The following ZNF644 variants were observed in gnomAD, a reference collection of about 807,000 sequenced individuals.
ZNF644 encodes the protein zinc finger protein 644.
A neutral mutation model predicts 108.0 loss-of-function variants in ZNF644; 20 were observed. The ratio of observed to expected loss-of-function variants is 0.19; its 90% CI spans 0.13 to 0.27. The LOEUF (loss-of-function observed/expected upper bound fraction) is 0.27. ZNF644 is among the 10% of genes least tolerant of loss of function. The pLI, the probability that ZNF644 is intolerant of heterozygous loss-of-function variation, is 1.00. For missense variants in ZNF644, 1,338 were observed against 1,548.9 expected, an observed-to-expected ratio of 0.86 and a Z score of 2.29; for synonymous variants, 542 against 539.1, an observed-to-expected ratio of 1.01 and a Z score of -0.08.
At position 90,940,050 on chromosome 1, in the gene ZNF644, C is replaced by T; in HGVS notation, c.1304G>A (p.Gly435Glu). The change falls in exon 3 of 6, where the codon GGG (glycine) becomes GAG (glutamate). Residue 435 changes from glycine (G) to glutamate (E), a missense_variant. Physicochemically the swap from Gly to Glu is moderately conservative, Grantham distance 98 (BLOSUM62 -2). This residue lies in a region of ZNF644 where 80 missense variants were observed against 183.0 expected (regional missense o/e 0.44). Coordinates refer to ENST00000337393, the MANE Select transcript of ZNF644 (RefSeq NM_201269.3). ...LHRHMMYHLD[G>E]NSHFRHLNVP... ...ATTAAGATGGCGAAAGTGACTATTC[C>T]CATCTAAATGATACATCATATGCCT... 6.2e-7 allele frequency: 1 copy of T among 1,614,004 alleles called. No individual in the cohort carries two copies. The highest frequency in any genetic ancestry group is 8.5e-7 in the Non-Finnish European group (1 of 1,179,952).
At chr1:91,016,956 C>T (rs944123223) in intron 1 of ZNF644, among the ~76,000 whole-genome samples, 1 of 152,156 alleles carries the variant, frequency 6.6e-6, no homozygotes, top group Non-Finnish European at 1.5e-5. Context: ...CCTCGGCCTC[C>T]CAAGTAGCTG....
intron 1 of ZNF644, among the ~76,000 whole-genome samples, chr1:90,995,981 T>A (rs187250083): frequency 6.6e-6 from 1 of 152,182 alleles, no homozygotes; most frequent in Non-Finnish European, 1.5e-5. Flanking sequence ...AGCCACCCAG[T>A]CTATAGTACT....
chr1:90,963,514 A>C (rs934436581), intron 2 of ZNF644, among the ~76,000 whole-genome samples: 3 of 152,160 alleles, frequency 2.0e-5, no homozygotes, highest in Non-Finnish European at 4.4e-5. Context: ...GCACATATGC[A>C]CCAAGAAACA....
intron 2 of ZNF644, among the ~76,000 whole-genome samples, chr1:90,962,626 T>C (rs1317796837): frequency 6.6e-6 from 1 of 152,116 alleles, no homozygotes; most frequent in Non-Finnish European, 1.5e-5. Context: ...CACCCACTAG[T>C]GACACCCTGG....
Position 90,937,936 on chromosome 1 carries a change from C to G in ZNF644, c.3237G>C (p.Leu1079=). 1 of 1,613,494 alleles carries G rather than the reference C, an allele frequency of 6.2e-7. No individual in the cohort carries two copies. The highest frequency in any genetic ancestry group is 1.1e-5 in the South Asian group (1 of 91,064). The change falls in exon 4 of 6, where the codon CTG becomes CTC. Residue 1079 remains leucine, a synonymous_variant. Transcript: ENST00000337393. ...TTTCTTCATTTTGCATCATCTCATTCAGAACACAGATTGGAGATTTGTGAG... is the reference window on the plus strand; with the variant it reads ...TTTCTTCATTTTGCATCATCTCATTGAGAACACAGATTGGAGATTTGTGAG... ...WDAHKSPICV[L]NEMMQNEEKY...
chr1:91,009,808 A>G (rs1377876708), intron 1 of ZNF644, among the ~76,000 whole-genome samples: 2 of 152,224 alleles, frequency 1.3e-5, no homozygotes, highest in Non-Finnish European at 2.9e-5. Flanking sequence ...GCATACCTCA[A>G]TTAGTGCTAG....
chr1:90,954,211 G>C (rs1557593636), intron 2 of ZNF644, among the ~76,000 whole-genome samples: 1 of 152,156 alleles, frequency 6.6e-6, no homozygotes, highest in Non-Finnish European at 1.5e-5. Flanking sequence ...TGATATTGGA[G>C]TCAATCTTCT....
chr1:90,987,026 T>C (rs1412368709), intron 1 of ZNF644, among the ~76,000 whole-genome samples: 3 of 147,278 alleles, frequency 2.0e-5, no homozygotes, highest in Non-Finnish European at 3.0e-5. Flanking sequence ...AAAGCAGTAC[T>C]AAGAGAGAGG....
chr1:90,992,569 A>C (rs1444289951), intron 1 of ZNF644, among the ~76,000 whole-genome samples: 4 of 152,236 alleles, frequency 2.6e-5, no homozygotes, highest in African/African-American at 9.6e-5. Context: ...ATTGATATAC[A>C]AAATTTGTAC....
chr1:90,928,236 T>C (rs1319277215), intron 4 of ZNF644, among the ~76,000 whole-genome samples: 1 of 151,242 alleles, frequency 6.6e-6, no homozygotes, highest in Non-Finnish European at 1.5e-5. Flanking sequence ...CACTGCAACC[T>C]GCACCTCCCA....
At chr1:90,980,300 T>A (rs1251190298) in intron 2 of ZNF644, among the ~76,000 whole-genome samples, 19 of 152,186 alleles carry the variant, frequency 1.2e-4, no homozygotes, top group Admixed American at 1.2e-3. Context: ...AAGAGGTCTC[T>A]GGCAACTGGG....
intron 1 of ZNF644, among the ~76,000 whole-genome samples, chr1:90,990,692 C>G (rs1036971479): frequency 1.3e-5 from 2 of 152,142 alleles, no homozygotes; most frequent in African/African-American, 2.4e-5. Context: ...TAGAGCAACT[C>G]TGTGTGGAAA....
intron 4 of ZNF644, among the ~76,000 whole-genome samples, chr1:90,919,877 T>C (rs547988587): frequency 6.6e-5 from 10 of 152,198 alleles, no homozygotes; most frequent in African/African-American, 1.4e-4. Context: ...CTGTACAACA[T>C]TGTGCATCAT....
At chr1:91,000,056 C>T (rs150358637) in intron 1 of ZNF644, among the ~76,000 whole-genome samples, 1,922 of 152,256 alleles carry the variant, frequency 0.013, 38 homozygotes, top group African/African-American at 0.044. Flanking sequence ...TAGAGACCTA[C>T]AAAGAGACTT....
rs368779227 is a variant in ZNF644 at position 90,941,072 on chromosome 1, T to C, written c.282A>G (p.Leu94=). 19 of 1,614,022 alleles carry C rather than the reference T, an allele frequency of 1.2e-5. No homozygotes were observed. Among genetic ancestry groups the C allele is most frequent in the Middle Eastern group, 1.6e-4 (1 of 6,084 alleles). The change falls in exon 3 of 6, where the codon CTA becomes CTG. Residue 94 remains leucine, a synonymous_variant. Coordinates refer to ENST00000337393, the MANE Select transcript of ZNF644 (RefSeq NM_201269.3). The stretch of plus-strand genomic sequence containing the variant: ...CAGTAGGAGCACCAGCATGTATAAA[T>C]AGACTAGACTGGCCTCCACTTAAGG... ...ENALSGGQSS[L]FIHAGAPTVS...
At chr1:90,954,122 T>C (rs1031816046) in intron 2 of ZNF644, among the ~76,000 whole-genome samples, 21 of 152,162 alleles carry the variant, frequency 1.4e-4, no homozygotes, top group East Asian at 1.9e-4. Flanking sequence ...GACACATTGA[T>C]TGACTCTTCC....
chr1:90,937,106 G>A (rs1651402367), intron 4 of ZNF644, among the ~76,000 whole-genome samples: 1 of 152,070 alleles, frequency 6.6e-6, no homozygotes, highest in Non-Finnish European at 1.5e-5. Context: ...TATGACAGAG[G>A]TATGCCTTTT....
At chr1:91,006,356 C>T (rs1046933943) in intron 1 of ZNF644, among the ~76,000 whole-genome samples, 2 of 152,180 alleles carry the variant, frequency 1.3e-5, no homozygotes, top group Admixed American at 6.5e-5. Flanking sequence ...CTGCAGTGAG[C>T]CAAGACTGTG....
chr1:90,986,165 A>G (rs529256257), intron 1 of ZNF644, among the ~76,000 whole-genome samples: 6 of 152,224 alleles, frequency 3.9e-5, no homozygotes, highest in Non-Finnish European at 7.4e-5. Context: ...GTATTCTAAG[A>G]GAACACCTGA....
Sources: gnomAD v4.1 joint callset for allele counts (sites outside exome capture counted in the v4.1 genomes callset) on GRCh38, gnomAD v4.1.1 for gene constraint, gnomAD v4.1.1 regional missense constraint, MANE v1.5 for transcripts, NCBI Gene and HGNC (gene_info 2026-07-23, HGNC 2026-07-21) for gene names.